Variants in PTGFRN observed in about 807,000 individuals in gnomAD.
PTGFRN encodes the protein prostaglandin F2 receptor inhibitor, also known as prostaglandin F2 receptor negative regulator.
A neutral mutation model predicts 83.2 loss-of-function variants in PTGFRN; 35 were observed. That is an observed-to-expected ratio of 0.42 (90% CI 0.32 to 0.56). The LOEUF (loss-of-function observed/expected upper bound fraction) is 0.56, where lower values mean the gene tolerates loss of function less well. Among genes scored for constraint, PTGFRN ranks in the 20% least tolerant of loss-of-function variants. The probability of loss-of-function intolerance (pLI) is 0.11; values close to 1 mark genes in which losing one functional copy is unlikely to be tolerated. For missense variants in PTGFRN, 1,051 were observed against 1,179.5 expected (o/e 0.89, Z 1.60); for synonymous variants, 519 against 498.6 (o/e 1.04, Z -0.55).
intron 1 of PTGFRN, among the ~76,000 whole-genome samples, chr1:116,931,746 A>G (rs1649808937): frequency 6.6e-6 from 1 of 152,068 alleles, no homozygotes; most frequent in Admixed American, 6.6e-5. Flanking sequence ...TGAGTCAGGT[A>G]CTCCAATAAA....
At chr1:116,925,681 T>G (rs1242470401) in intron 1 of PTGFRN, among the ~76,000 whole-genome samples, 1 of 152,172 alleles carries the variant, frequency 6.6e-6, no homozygotes, top group Non-Finnish European at 1.5e-5. Context: ...GTCCCTCCTT[T>G]CCTTTATTTA....
intron 1 of PTGFRN, among the ~76,000 whole-genome samples, chr1:116,938,420 G>A (rs1425367060): frequency 6.6e-6 from 1 of 152,220 alleles, no homozygotes; most frequent in Non-Finnish European, 1.5e-5. Flanking sequence ...AGGGGCAAGT[G>A]ACATCTTATG....
At chr1:116,981,349 C>G (rs1651312772) in intron 7 of PTGFRN, among the ~76,000 whole-genome samples, 1 of 152,172 alleles carries the variant, frequency 6.6e-6, no homozygotes, top group Non-Finnish European at 1.5e-5. Flanking sequence ...CAAGCAGAGC[C>G]ATGGCTGCCG....
At chr1:116,944,198 G>A (rs370254847) in intron 2 of PTGFRN, among the ~76,000 whole-genome samples, 9 of 152,140 alleles carry the variant, frequency 5.9e-5, no homozygotes, top group African/African-American at 1.7e-4. Context: ...CAGATTCTGC[G>A]GGCTCCCTAG....
chr1:116,936,119 A>C (rs1649916559), intron 1 of PTGFRN, among the ~76,000 whole-genome samples: 1 of 152,210 alleles, frequency 6.6e-6, no homozygotes, highest in Non-Finnish European at 1.5e-5. Context: ...ATCAACTGTT[A>C]CAAAAGGTTT....
intron 5 of PTGFRN, among the ~76,000 whole-genome samples, chr1:116,964,078 C>T (rs1227335169): frequency 2.3e-5 from 3 of 128,750 alleles, no homozygotes; most frequent in Admixed American, 1.4e-4. Context: ...CCGTGCCGGG[C>T]GCCCCCCCTT....
At chr1:116,914,304 C>CT (rs1459931934) in intron 1 of PTGFRN, among the ~76,000 whole-genome samples, 1 of 152,222 alleles carries the variant, frequency 6.6e-6, no homozygotes, top group Non-Finnish European at 1.5e-5. Flanking sequence ...ATCATTTCTG[C>CT]ACACGTTCTA....
At chr1:116,964,569 G>A (rs1033152561) in intron 5 of PTGFRN, among the ~76,000 whole-genome samples, 1 of 152,126 alleles carries the variant, frequency 6.6e-6, no homozygotes, top group Non-Finnish European at 1.5e-5. Flanking sequence ...CCTTCTTGGT[G>A]ATGTCTCTAA....
intron 7 of PTGFRN, among the ~76,000 whole-genome samples, chr1:116,983,464 C>A (rs1017003621): frequency 1.4e-5 from 2 of 145,460 alleles, no homozygotes; most frequent in Non-Finnish European, 3.0e-5. Flanking sequence ...CCTCTGCCCC[C>A]AGGGAGCTAG....
At chr1:116,973,664 T>G (rs2101084788) in intron 6 of PTGFRN, among the ~76,000 whole-genome samples, 1 of 151,266 alleles carries the variant, frequency 6.6e-6, no homozygotes, top group East Asian at 1.9e-4. Flanking sequence ...TTCCCTGGCA[T>G]GCTGAAGCTG....
At chr1:116,957,104 ACTCT>A (rs35590261) in intron 4 of PTGFRN, among the ~76,000 whole-genome samples, 34 of 139,304 alleles carry the variant, frequency 2.4e-4, no homozygotes, top group South Asian at 9.5e-4. Flanking sequence ...CAAGGTTTTA[ACTCT>A]CTCTCTCTCT....
chr1:116,910,220 C>A lies in PTGFRN; in HGVS notation c.17C>A (p.Ser6Ter). Residue 6 changes from serine to a stop codon, truncating the protein, a stop_gained, in exon 1 of 9, where the codon TCG (serine) becomes TAG (stop). Coordinates refer to ENST00000393203, the MANE Select transcript of PTGFRN (RefSeq NM_020440.4). LOFTEE classifies it high-confidence loss of function. Reference sequence around the variant, plus strand: ...CGGGCGAGCATGGGGCGCCTGGCCTCGAGGCCGCTGCTGCTGGCGCTCCTG... The same window carrying A: ...CGGGCGAGCATGGGGCGCCTGGCCTAGAGGCCGCTGCTGCTGGCGCTCCTG... MGRLA[S>*]RPLLLALLSL... 4 of 1,459,302 alleles carry A rather than the reference C, an allele frequency of 2.7e-6. No individual in the cohort carries two copies. Among genetic ancestry groups the A allele is most frequent in the Non-Finnish European group, 2.7e-6 (3 of 1,112,354 alleles). 90.4% of individuals were successfully genotyped at this position (1,459,302 alleles called of 1,614,324 possible). A position where few individuals can be genotyped will look rare whatever the true frequency, so the allele number is the denominator to read the frequency against.
chr1:116,972,872 G>A (rs541779936), intron 6 of PTGFRN, among the ~76,000 whole-genome samples: 14 of 152,196 alleles, frequency 9.2e-5, no homozygotes, highest in African/African-American at 2.7e-4. Flanking sequence ...TGCCTGCAGC[G>A]TTTTCAGGGA....
At chr1:116,931,269 G>A (rs913181298) in intron 1 of PTGFRN, among the ~76,000 whole-genome samples, 4 of 152,102 alleles carry the variant, frequency 2.6e-5, no homozygotes, top group Admixed American at 1.3e-4. Context: ...GGTCCCAAAC[G>A]TTTTGAATAA....
At chr1:116,943,159 G>T (rs2101064211) in intron 2 of PTGFRN, among the ~76,000 whole-genome samples, 1 of 152,308 alleles carries the variant, frequency 6.6e-6, no homozygotes, top group Non-Finnish European at 1.5e-5. Flanking sequence ...CTCATGACTT[G>T]TAGAACCCTG....
rs774022293 is a variant in PTGFRN at position 116,941,961 on chromosome 1, A to G, written c.296A>G (p.Asn99Ser). Residue 99 changes from asparagine to serine, a missense_variant, in exon 2 of 9, where the codon AAC (asparagine) becomes AGC (serine). This residue lies in a region of PTGFRN where 127 missense variants were observed against 168.4 expected (regional missense o/e 0.75). Transcript: ENST00000393203. The surrounding 1 kb of genome is among the most constrained non-coding windows in gnomAD (Gnocchi z 5.0). ...GAGATCCTGTTAAGGCGGACTGCCAACGACGCCGTGGAGCTCCACATAAAG... is the reference window on the plus strand; with the variant it reads ...GAGATCCTGTTAAGGCGGACTGCCAGCGACGCCGTGGAGCTCCACATAAAG... ...RGEILLRRTA[N>S]DAVELHIKNV... 6.8e-6 allele frequency: 11 copies of G among 1,614,078 alleles called. No individual in the cohort carries two copies. The highest frequency in any genetic ancestry group is 3.3e-5 in the South Asian group (3 of 91,090).
chr1:116,955,719 C>T (rs1650469295), intron 4 of PTGFRN, among the ~76,000 whole-genome samples: 3 of 152,144 alleles, frequency 2.0e-5, no homozygotes, highest in African/African-American at 7.2e-5. Context: ...TAGTTCAATT[C>T]AGCCAGTATG....
chr1:116,984,635 C>T (rs1271955170), intron 7 of PTGFRN, 45 bp from the exon 8 acceptor site: 1 of 1,579,222 alleles, frequency 6.3e-7, no homozygotes, highest in Non-Finnish European at 8.6e-7. Context: ...CATATGACTT[C>T]TGCCCATTGC....
rs1417515816 is a variant in PTGFRN at position 116,988,684 on chromosome 1, C to G, written c.*1717C>G. 4 of 152,982 alleles carry G rather than the reference C, an allele frequency of 2.6e-5. No individual in the cohort carries two copies. Among genetic ancestry groups the G allele is most frequent in the Non-Finnish European group, 5.9e-5 (4 of 68,178 alleles). 9.5% of individuals were successfully genotyped at this position (152,982 alleles called of 1,614,324 possible). ...GGCTCACCATTTCCCCCTGCTCCCC[C>G]ACAGCCGGTTCTGCACTTATCACCG... On this transcript the variant is annotated 3_prime_UTR_variant, in exon 9 of 9. Coordinates refer to ENST00000393203, the MANE Select transcript of PTGFRN (RefSeq NM_020440.4).
Sources: gnomAD v4.1 joint callset for allele counts (sites outside exome capture counted in the v4.1 genomes callset) on GRCh38, gnomAD v4.1.1 for gene constraint, gnomAD v4.1.1 regional missense constraint, Gnocchi (gnomAD v3.1) non-coding constraint, MANE v1.5 for transcripts, NCBI Gene and HGNC (gene_info 2026-07-23, HGNC 2026-07-21) for gene names.